The following KIAA1671 variants were observed in gnomAD, a reference collection of about 807,000 sequenced individuals.
The protein encoded by KIAA1671 is uncharacterized protein KIAA1671.
Under a neutral mutation model 131.2 loss-of-function variants are expected in KIAA1671, and 52 were observed. That is an observed-to-expected ratio of 0.40 (90% CI 0.32 to 0.50). The LOEUF (loss-of-function observed/expected upper bound fraction) is 0.50. KIAA1671 is among the 20% of genes least tolerant of loss of function. The pLI is 0.73. For missense variants in KIAA1671, 2,360 were observed against 2,364.2 expected (o/e 1.00, Z 0.04); for synonymous variants, 1,003 against 961.6 (o/e 1.04, Z -0.80).
intron 6 of KIAA1671, among the ~76,000 whole-genome samples, chr22:25,136,352 C>T (rs1932673728): frequency 6.6e-6 from 1 of 152,216 alleles, no homozygotes; most frequent in Non-Finnish European, 1.5e-5. Context: ...CCAGATCACA[C>T]AGCCAGTAAG....
chr22:25,038,646 T>G, intron 4 of KIAA1671, 114 bp from the exon 5 acceptor site: 1 of 1,107,168 alleles, frequency 9.0e-7, no homozygotes, highest in Non-Finnish European at 1.3e-6. Context: ...TTCAATTTTA[T>G]GGTATTTCAT....
chr22:25,086,213 A>G (rs962046688), intron 6 of KIAA1671, among the ~76,000 whole-genome samples: 1 of 152,206 alleles, frequency 6.6e-6, no homozygotes, highest in Non-Finnish European at 1.5e-5. Flanking sequence ...ATCCTCAGAG[A>G]GCATGTCTTG....
At chr22:25,035,669 G>T (rs1399136026) in intron 4 of KIAA1671, among the ~76,000 whole-genome samples, 1 of 152,196 alleles carries the variant, frequency 6.6e-6, no homozygotes, top group African/African-American at 2.4e-5. Context: ...TTAAAATGCT[G>T]TAGTGACAGC....
intron 10 of KIAA1671, among the ~76,000 whole-genome samples, chr22:25,184,520 A>C (rs1001062981): frequency 2.0e-5 from 3 of 152,174 alleles, no homozygotes; most frequent in African/African-American, 7.2e-5. Flanking sequence ...CATTCCCAAC[A>C]TGCCCTCCAA....
intron 6 of KIAA1671, among the ~76,000 whole-genome samples, chr22:25,075,628 A>G (rs1052897507): frequency 2.7e-5 from 4 of 150,920 alleles, no homozygotes; most frequent in Non-Finnish European, 5.9e-5. Flanking sequence ...AGTAGCTGGG[A>G]CTACAGGCAC....
Position 25,182,048 on chromosome 22 carries a change from G to A in KIAA1671, c.5199+225G>A, listed in dbSNP as rs563807733. The stretch of plus-strand genomic sequence containing the variant: ...AAAAAAATTAGCCGGGCGTGGTGGC[G>A]GGCGCCTGTAGTCCCAGCTACCTGG... On this transcript the variant is annotated intron_variant, in intron 10 of 12. Transcript: ENST00000358431. 3.9e-5 allele frequency among the ~76,000 whole-genome samples: 6 copies of A among 152,144 alleles called. No homozygotes were observed. The East Asian group carries it at 7.7e-4, about 20-fold the overall frequency.
At position 25,180,368 on chromosome 22, in the gene KIAA1671, G is replaced by A. The variant is rs143898616; in HGVS notation, c.5075-1331G>A. The stretch of plus-strand genomic sequence containing the variant: ...ATTCTGGCCAACATGGTGAAACCCC[G>A]TCTCTACTAAAAATACAAAAATAGC... On this transcript the variant is annotated intron_variant, in intron 9 of 12. Coordinates refer to ENST00000358431, the MANE Select transcript of KIAA1671 (RefSeq NM_001145206.2). Among the ~76,000 whole-genome samples, 29 of 152,190 alleles carry A rather than the reference G, an allele frequency of 1.9e-4. No homozygotes were observed. The South Asian group carries it at 2.5e-3, about 13-fold the overall frequency.
intron 4 of KIAA1671, 112 bp from the exon 5 acceptor site, chr22:25,038,648 G>A: frequency 1.8e-6 from 2 of 1,120,532 alleles, no homozygotes; most frequent in Middle Eastern, 3.0e-4. Context: ...CAATTTTATG[G>A]TATTTCATTG....
At chr22:25,190,884 C>A in intron 12 of KIAA1671, 100 bp downstream of exon 12, 61 of 768,876 alleles carry the variant, frequency 7.9e-5, no homozygotes, top group South Asian at 1.8e-4. Flanking sequence ...CTGTTGTACC[C>A]AAGGAAAGAG....
At chr22:25,070,857 C>T (rs1053278336) in intron 6 of KIAA1671, among the ~76,000 whole-genome samples, 5 of 152,154 alleles carry the variant, frequency 3.3e-5, no homozygotes, top group African/African-American at 1.2e-4. Context: ...TTTTCCTGAA[C>T]CTACACAGTG....
intron 6 of KIAA1671, among the ~76,000 whole-genome samples, chr22:25,146,237 C>CA (rs1331463356): frequency 6.6e-6 from 1 of 152,212 alleles, no homozygotes; most frequent in Non-Finnish European, 1.5e-5. Flanking sequence ...CCCAAAGTCA[C>CA]ACGGCTGGTG....
chr22:25,031,431 C>T (rs1416866220), intron 3 of KIAA1671, among the ~76,000 whole-genome samples: 2 of 152,036 alleles, frequency 1.3e-5, no homozygotes, highest in South Asian at 2.1e-4. Context: ...CTCCTGACCT[C>T]GTGATCCGCC....
intron 6 of KIAA1671, among the ~76,000 whole-genome samples, chr22:25,133,926 C>T (rs1265805605): frequency 6.6e-6 from 1 of 152,128 alleles, no homozygotes; most frequent in East Asian, 1.9e-4. Flanking sequence ...CATTGGTGTC[C>T]CTTCCAGATG....
intron 1 of KIAA1671, chr22:25,014,200 C>G (rs1400283268): frequency 6.6e-6 from 1 of 152,036 alleles, no homozygotes; most frequent in Admixed American, 6.5e-5. Context: ...TAATGGAATA[C>G]GATGAAAGCT....
At chr22:25,156,226 C>T (rs989425076) in intron 6 of KIAA1671, among the ~76,000 whole-genome samples, 3 of 151,418 alleles carry the variant, frequency 2.0e-5, no homozygotes, top group Admixed American at 6.6e-5. Flanking sequence ...GGGGTTTCAC[C>T]GTGTTAGCCA....
At chr22:25,158,144 A>G (rs1933308275) in intron 6 of KIAA1671, among the ~76,000 whole-genome samples, 1 of 152,218 alleles carries the variant, frequency 6.6e-6, no homozygotes, top group Admixed American at 6.5e-5. Flanking sequence ...ATAAAAAACA[A>G]TTTGTTTTAA....
intron 6 of KIAA1671, among the ~76,000 whole-genome samples, chr22:25,098,491 T>C (rs1263222732): frequency 1.3e-5 from 2 of 152,060 alleles, no homozygotes; most frequent in Non-Finnish European, 2.9e-5. Context: ...CAAGTAATTG[T>C]AATTATTAAA....
chr22:25,092,367 G>T (rs910717918), intron 6 of KIAA1671, among the ~76,000 whole-genome samples: 2 of 152,216 alleles, frequency 1.3e-5, no homozygotes, highest in African/African-American at 2.4e-5. Flanking sequence ...AGCTGAGACA[G>T]GTTGAGGCAT....
intron 6 of KIAA1671, among the ~76,000 whole-genome samples, chr22:25,093,719 ACACACACACACACACACACTCTCTCTCT>A (rs1568950868): frequency 6.7e-5 from 7 of 104,362 alleles, no homozygotes; most frequent in South Asian, 2.8e-4. Context: ...ACACACACAC[ACACACACACACACACACACTCTCTCTCT>A]CTCTCTCTCT....
Sources: allele counts gnomAD v4.1 joint callset (sites outside exome capture counted in the v4.1 genomes callset), GRCh38; gene constraint gnomAD v4.1.1; transcripts MANE v1.5; gene names NCBI Gene and HGNC (gene_info 2026-07-23, HGNC 2026-07-21).